The following EIF2A variants were observed in gnomAD, a reference collection of about 807,000 sequenced individuals.
EIF2A encodes the protein 65 kDa eukaryotic translation initiation factor 2A.
In EIF2A, 62 loss-of-function variants were observed where a neutral mutation model predicts 75.2. The ratio of observed to expected loss-of-function variants is 0.82; its 90% CI spans 0.67 to 1.02. The LOEUF (loss-of-function observed/expected upper bound fraction) is 1.02, where lower values mean the gene tolerates loss of function less well. Among genes scored for constraint, EIF2A ranks in the 50% least tolerant of loss-of-function variants. The probability of loss-of-function intolerance (pLI) is 0.00; values close to 1 mark genes in which losing one functional copy is unlikely to be tolerated. For synonymous variants in EIF2A, 207 were observed against 239.0 expected, an observed-to-expected ratio of 0.87 and a Z score of 1.23; for missense variants, 611 against 677.7, an observed-to-expected ratio of 0.90 and a Z score of 1.09.
At chr3:150,556,679 A>AT (rs1409710134) in intron 2 of EIF2A, among the ~76,000 whole-genome samples, 1 of 152,210 alleles carries the variant, frequency 6.6e-6, no homozygotes, top group Non-Finnish European at 1.5e-5. Context: ...TAGGTGGATT[A>AT]TCATACTTTT....
At position 150,568,175 on chromosome 3, in the gene EIF2A, G is replaced by C; in HGVS notation, c.695-1G>C. On this transcript the variant is annotated splice_acceptor_variant, in intron 8 of 13. Coordinates refer to ENST00000460851, the MANE Select transcript of EIF2A (RefSeq NM_032025.5). LOFTEE classifies it high-confidence loss of function. The stretch of plus-strand genomic sequence containing the variant: ...TCTAATTAAAGTTTTTACTGTTATA[G>C]CTACTGCTGTGTTGGTAATAGCTAG... 6.2e-7 allele frequency: 1 copy of C among 1,611,272 alleles called. No individual in the cohort carries two copies. Among genetic ancestry groups the C allele is most frequent in the South Asian group, 1.1e-5 (1 of 90,446 alleles).
At chr3:150,553,760 A>G (rs927348516) in intron 2 of EIF2A, among the ~76,000 whole-genome samples, 19 of 152,188 alleles carry the variant, frequency 1.2e-4, no homozygotes, top group Admixed American at 3.9e-4. Context: ...TGAATCTACT[A>G]TAGGATAGAG....
In EIF2A at chr3:150,572,362, G is replaced by A; in HGVS notation, c.1216G>A (p.Ala406Thr). ...GCACAAGTATGATGTGCCATCAAAT[G>A]CAGAATTATGGCAGGTTTCTTGGCA... is the stretch of plus-strand genomic sequence containing the variant. ...ILHKYDVPSN[A>T]ELWQVSWQPF... The change falls in exon 10 of 14, where the codon GCA becomes ACA. Residue 406 changes from alanine to threonine, a missense_variant. By Grantham distance (58) the Ala-to-Thr change is moderately conservative. Coordinates refer to ENST00000460851, the MANE Select transcript of EIF2A (RefSeq NM_032025.5). 6.2e-7 allele frequency: 1 copy of A among 1,613,932 alleles called. No homozygotes were observed. The highest frequency in any genetic ancestry group is 8.5e-7 in the Non-Finnish European group (1 of 1,179,876).
At position 150,562,766 on chromosome 3, in the gene EIF2A, A is replaced by G. The variant is rs563590319; in HGVS notation, c.292+106A>G. On this transcript the variant is annotated intron_variant, in intron 4 of 13. Coordinates refer to ENST00000460851, the MANE Select transcript of EIF2A (RefSeq NM_032025.5). Reference sequence around the variant, plus strand: ...CCTCATAAGAAAGTAATTAGTCTTTATGATAGTAAATAGTGTTTGTGAATA... The same window carrying G: ...CCTCATAAGAAAGTAATTAGTCTTTGTGATAGTAAATAGTGTTTGTGAATA... 113 of 735,638 alleles carry G rather than the reference A, an allele frequency of 1.5e-4. No homozygotes were observed. In the South Asian group the frequency reaches 1.9e-3, roughly 12 times the overall value. The allele number at this position is 735,638 out of a possible 1,614,324, so 45.6% of individuals were successfully genotyped here.
At chr3:150,561,304 A>T (rs1232759585) in intron 3 of EIF2A, among the ~76,000 whole-genome samples, 4 of 152,024 alleles carry the variant, frequency 2.6e-5, no homozygotes, top group African/African-American at 9.7e-5. Flanking sequence ...CGGGCCGGAC[A>T]CGGTGGCTCA....
intron 2 of EIF2A, among the ~76,000 whole-genome samples, chr3:150,557,854 G>A (rs982246886): frequency 2.5e-4 from 38 of 152,144 alleles, no homozygotes; most frequent in Admixed American, 7.9e-4. Context: ...TGCTTTTGTT[G>A]TTATTTAGCA....
chr3:150,583,020 AAC>A, intron 12 of EIF2A, 178 bp from the exon 13 acceptor site: 3 of 576,056 alleles, frequency 5.2e-6, no homozygotes, highest in South Asian at 5.2e-5. Flanking sequence ...TCATGTTTTT[AAC>A]ATTTACAATT....
chr3:150,555,338 C>T (rs1311521884), intron 2 of EIF2A, among the ~76,000 whole-genome samples: 2 of 152,060 alleles, frequency 1.3e-5, no homozygotes, highest in Non-Finnish European at 2.9e-5. Context: ...CTCACTGCAA[C>T]CTCTGCTTCC....
At chr3:150,547,515 G>A (rs542571337) in intron 1 of EIF2A, among the ~76,000 whole-genome samples, 1 of 152,202 alleles carries the variant, frequency 6.6e-6, no homozygotes. Flanking sequence ...AAATGCTGGG[G>A]AAGTTGCTTT....
intron 6 of EIF2A, chr3:150,566,695 C>T (rs1242131423): frequency 1.3e-5 from 2 of 152,076 alleles, no homozygotes; most frequent in Non-Finnish European, 2.9e-5. Context: ...GAGAATATCA[C>T]ATTCACATAA....
At chr3:150,555,823 GA>G (rs1431742663) in intron 2 of EIF2A, among the ~76,000 whole-genome samples, 2 of 152,146 alleles carry the variant, frequency 1.3e-5, no homozygotes, top group African/African-American at 4.8e-5. Context: ...GGGAGAAAGG[GA>G]AATGAGACAG....
chr3:150,582,971 A>G lies in EIF2A; in HGVS notation c.1627-229A>G, dbSNP rs62284023. 4 of 490,484 alleles carry G rather than the reference A, an allele frequency of 8.2e-6. No homozygotes were observed. The East Asian group carries it at 1.4e-4, about 17-fold the overall frequency. 30.4% of individuals were successfully genotyped at this position (490,484 alleles called of 1,614,324 possible). A position where few individuals can be genotyped will look rare whatever the true frequency, so the allele number is the denominator to read the frequency against. On this transcript the variant is annotated intron_variant, in intron 12 of 13. Transcript: ENST00000460851. ...TATATATACACATGCATACACGATA[A>G]CATTAATTAAAAGCCTGAGAATAAT...
intron 3 of EIF2A, 92 bp from the exon 4 acceptor site, chr3:150,562,450 A>G: frequency 2.1e-6 from 2 of 948,158 alleles, no homozygotes; most frequent in South Asian, 3.2e-5. Flanking sequence ...TTTTGGAGTG[A>G]TCTGTATTTG....
intron 9 of EIF2A, among the ~76,000 whole-genome samples, chr3:150,570,812 A>G (rs986950201): frequency 1.3e-5 from 2 of 151,954 alleles, no homozygotes; most frequent in Admixed American, 6.6e-5. Context: ...CCTGTAATCA[A>G]TCCCAGCACT....
intron 1 of EIF2A, among the ~76,000 whole-genome samples, chr3:150,547,798 T>G (rs1281582565): frequency 6.6e-6 from 1 of 152,234 alleles, no homozygotes; most frequent in African/African-American, 2.4e-5. Flanking sequence ...ATGCTCAGTC[T>G]GTCTTCTGCA....
At position 150,552,422 on chromosome 3, in the gene EIF2A, C is replaced by T. The variant is rs1417349814; in HGVS notation, c.95C>T (p.Pro32Leu). The change falls in exon 2 of 14, where the codon CCA (proline) becomes CTA (leucine). Residue 32 changes from proline (P) to leucine (L), a missense_variant. Coordinates refer to ENST00000460851, the MANE Select transcript of EIF2A (RefSeq NM_032025.5). The part of the protein sequence containing the change: ...PPHFTESTVF[P>L]RESGKNCKVC... ...CATTTTACAGAAAGCACAGTGTTTC[C>T]AAGGTATGATTTATTTTGTTAAGTA... is the stretch of plus-strand genomic sequence containing the variant. The T allele has an allele frequency of 2.6e-6, 4 of 1,552,114 alleles. No individual in the cohort carries two copies. The highest frequency in any genetic ancestry group is 3.5e-6 in the Non-Finnish European group (4 of 1,147,008).
chr3:150,564,868 G>T, intron 6 of EIF2A: 1 of 190,408 alleles, frequency 5.3e-6, no homozygotes, highest in East Asian at 1.5e-4. Flanking sequence ...CTGAAGATTG[G>T]GGCCTTTCAT....
In EIF2A at chr3:150,572,272, A is replaced by G. The variant is rs1299264888; in HGVS notation, c.1126A>G (p.Thr376Ala). 3 of 1,613,852 alleles carry G rather than the reference A, an allele frequency of 1.9e-6. No homozygotes were observed. The African/African-American group carries it at 4.0e-5, about 22-fold the overall frequency. The change falls in exon 10 of 14, where the codon ACA becomes GCA. Residue 376 changes from threonine to alanine, a missense_variant. Physicochemically the swap from Thr to Ala is moderately conservative, Grantham distance 58. Transcript: ENST00000460851. ...CPDGEHILTA[T>A]CAPRLRVNNG... ...GGATGGTGAGCATATTTTAACAGCT[A>G]CATGTGCTCCCAGGTTACGGGTTAA...
intron 12 of EIF2A, 117 bp downstream of exon 12, chr3:150,581,863 A>T: frequency 8.0e-7 from 1 of 1,245,136 alleles, no homozygotes; most frequent in Admixed American, 2.6e-5. Flanking sequence ...AGCAGTTCTC[A>T]TTGTTGTTTT....
Sources: gnomAD v4.1 joint callset for allele counts (sites outside exome capture counted in the v4.1 genomes callset) on GRCh38, gnomAD v4.1.1 for gene constraint, MANE v1.5 for transcripts, NCBI Gene and HGNC (gene_info 2026-07-23, HGNC 2026-07-21) for gene names.